Variants in MAP3K7 observed in about 807,000 individuals in gnomAD.
MAP3K7 encodes the protein mitogen-activated protein kinase kinase kinase 7, also known as TGF-beta activated kinase 1.
Under a neutral mutation model 84.8 loss-of-function variants are expected in MAP3K7, and 21 were observed. That is an observed-to-expected ratio of 0.25 (90% CI 0.18 to 0.36). The LOEUF (loss-of-function observed/expected upper bound fraction) is 0.36, where lower values mean the gene tolerates loss of function less well. MAP3K7 is among the 10% of genes least tolerant of loss of function. The pLI is 1.00. For missense variants in MAP3K7, 503 were observed against 747.7 expected (o/e 0.67, Z 3.82); for synonymous variants, 241 against 247.7 (o/e 0.97, Z 0.25).
chr6:90,578,450 T>G (rs1300659361), intron 1 of MAP3K7, among the ~76,000 whole-genome samples: 1 of 152,116 alleles, frequency 6.6e-6, no homozygotes, highest in Non-Finnish European at 1.5e-5. Context: ...AATTTTTGTA[T>G]TTTTAGTAGA....
chr6:90,577,599 TGGTAGCAGGCAAACTA>T (rs757250375), intron 1 of MAP3K7, among the ~76,000 whole-genome samples: 11 of 152,170 alleles, frequency 7.2e-5, no homozygotes, highest in Non-Finnish European at 1.6e-4. Context: ...ACAGTCAATA[TGGTAGCAGGCAAACTA>T]GGAGAGAGTC....
Position 90,575,113 on chromosome 6 carries a change from G to A in MAP3K7, c.121-3306C>T, listed in dbSNP as rs75298144. On this transcript the variant is annotated intron_variant, in intron 1 of 16. Coordinates refer to ENST00000369329, the MANE Select transcript of MAP3K7 (RefSeq NM_145331.3). ...TCAATACTTAAAGAATTAAGTTTGT[G>A]TGTATCAAAAATGACTTCCCATTTT... is the stretch of plus-strand genomic sequence containing the variant. Among the ~76,000 whole-genome samples, 112 of 152,306 alleles carry A rather than the reference G, an allele frequency of 7.4e-4. No homozygotes were observed. The East Asian group carries it at 0.017, about 23-fold the overall frequency.
intron 5 of MAP3K7, among the ~76,000 whole-genome samples, chr6:90,557,927 G>A (rs1776384786): frequency 6.6e-6 from 1 of 152,184 alleles, no homozygotes. Context: ...ACTTGATAGT[G>A]TATAAAACAC....
chr6:90,567,334 C>G (rs1776742868), intron 3 of MAP3K7, among the ~76,000 whole-genome samples: 1 of 152,078 alleles, frequency 6.6e-6, no homozygotes, highest in South Asian at 2.1e-4. Flanking sequence ...GGCTAATATC[C>G]AGAATCTACA....
chr6:90,581,411 A>G (rs1254171915), intron 1 of MAP3K7, among the ~76,000 whole-genome samples: 1 of 152,178 alleles, frequency 6.6e-6, no homozygotes, highest in Non-Finnish European at 1.5e-5. Flanking sequence ...TAGATCATAC[A>G]TTTATTAGTT....
At chr6:90,571,855 T>C (rs775963064) in intron 1 of MAP3K7, 48 bp from the exon 2 acceptor site, 1 of 1,081,484 alleles carries the variant, frequency 9.2e-7, no homozygotes, top group Non-Finnish European at 1.3e-6. Flanking sequence ...ACCACAAGAA[T>C]CGGAATCAAA....
chr6:90,538,476 T>C (rs146591529), intron 12 of MAP3K7, among the ~76,000 whole-genome samples: 2 of 152,068 alleles, frequency 1.3e-5, no homozygotes, highest in Admixed American at 1.3e-4. Context: ...GACAGCATGA[T>C]GTAAACAGAT....
chr6:90,535,507 T>C (rs1250507903), intron 13 of MAP3K7, among the ~76,000 whole-genome samples: 1 of 151,982 alleles, frequency 6.6e-6, no homozygotes, highest in African/African-American at 2.4e-5. Context: ...GCTGCTCTCA[T>C]AAAACTTATT....
chr6:90,541,128 T>A lies in MAP3K7; in HGVS notation c.1291+3424A>T, dbSNP rs118080896. The stretch of plus-strand genomic sequence containing the variant: ...AGAACAAAAAAAATCTAGAAAAACT[T>A]CAAAGAATCCAATAATCTGCTACCT... On this transcript the variant is annotated intron_variant, in intron 12 of 16. Coordinates refer to ENST00000369329, the MANE Select transcript of MAP3K7 (RefSeq NM_145331.3). Among the ~76,000 whole-genome samples, 775 of 152,050 alleles carry A rather than the reference T, an allele frequency of 5.1e-3. 5 individuals are homozygous for A. The highest frequency in any genetic ancestry group is 0.01 in the Admixed American group (159 of 15,230).
At chr6:90,568,187 C>T (rs1047098361) in intron 3 of MAP3K7, among the ~76,000 whole-genome samples, 2 of 152,094 alleles carry the variant, frequency 1.3e-5, no homozygotes, top group African/African-American at 4.8e-5. Flanking sequence ...ACGTTGTGCA[C>T]ATGTAACCTA....
At chr6:90,521,693 A>C (rs1238454684) in intron 14 of MAP3K7, among the ~76,000 whole-genome samples, 3 of 152,092 alleles carry the variant, frequency 2.0e-5, no homozygotes, top group Non-Finnish European at 4.4e-5. Context: ...AGTACTAAGC[A>C]AAGGTGAAAA....
intron 13 of MAP3K7, among the ~76,000 whole-genome samples, chr6:90,525,331 A>G (rs1562079416): frequency 1.3e-5 from 2 of 152,266 alleles, no homozygotes; most frequent in East Asian, 1.9e-4. Flanking sequence ...TTCAGAATAC[A>G]ACAATTCAAA....
chr6:90,549,930 T>C (rs1349522588), intron 9 of MAP3K7, among the ~76,000 whole-genome samples: 1 of 152,206 alleles, frequency 6.6e-6, no homozygotes, highest in African/African-American at 2.4e-5. Flanking sequence ...GAAATGCTTA[T>C]AATGCCACTA....
intron 13 of MAP3K7, among the ~76,000 whole-genome samples, chr6:90,528,870 T>G (rs1238404065): frequency 6.6e-6 from 1 of 152,212 alleles, no homozygotes; most frequent in Non-Finnish European, 1.5e-5. Flanking sequence ...GGGTACCCAC[T>G]GAAATTGCTT....
chr6:90,548,274 GC>G, intron 9 of MAP3K7, 97 bp from the exon 10 acceptor site: 1 of 1,009,094 alleles, frequency 9.9e-7, no homozygotes, highest in Admixed American at 2.6e-5. Context: ...AACTAGCCAG[GC>G]AGGAACAGAA....
intron 1 of MAP3K7, among the ~76,000 whole-genome samples, chr6:90,586,030 C>T (rs1179661996): frequency 1.3e-5 from 2 of 152,208 alleles, no homozygotes; most frequent in African/African-American, 4.8e-5. Context: ...CCCCTACATG[C>T]CAGGTACTGA....
At chr6:90,550,593 C>T in intron 8 of MAP3K7, 44 bp from the exon 9 acceptor site, 1 of 1,202,154 alleles carries the variant, frequency 8.3e-7, no homozygotes. Context: ...TTCCTTAATA[C>T]AAATTAAATC....
chr6:90,571,648 G>T, intron 2 of MAP3K7, 49 bp downstream of exon 2: 1 of 1,052,848 alleles, frequency 9.5e-7, no homozygotes, highest in Non-Finnish European at 1.4e-6. Context: ...TAAATTCACA[G>T]AGTATCTTAA....
intron 1 of MAP3K7, among the ~76,000 whole-genome samples, chr6:90,578,555 G>A (rs1332891949): frequency 2.0e-5 from 3 of 152,130 alleles, no homozygotes; most frequent in African/African-American, 2.4e-5. Context: ...GATTACAGGC[G>A]TGAACCACTG....
Sources: gnomAD v4.1 joint callset for allele counts (sites outside exome capture counted in the v4.1 genomes callset) on GRCh38, gnomAD v4.1.1 for gene constraint, MANE v1.5 for transcripts, NCBI Gene and HGNC (gene_info 2026-07-23, HGNC 2026-07-21) for gene names.